CCDC178: variants seen among roughly 807,000 people sequenced by gnomAD.
The protein encoded by CCDC178 is coiled-coil domain-containing protein 178.
A neutral mutation model predicts 117.4 loss-of-function variants in CCDC178; 126 were observed. The ratio of observed to expected loss-of-function variants is 1.07; its 90% CI spans 0.93 to 1.24. CCDC178 has a LOEUF of 1.24. CCDC178 is among the 50% of genes most tolerant of loss of function. The pLI, the probability that CCDC178 is intolerant of heterozygous loss-of-function variation, is 0.00. For missense variants in CCDC178, 1,030 were observed against 986.9 expected (o/e 1.04, Z -0.59); for synonymous variants, 283 against 313.4 (o/e 0.90, Z 1.02).
intron 21 of CCDC178, among the ~76,000 whole-genome samples, chr18:33,072,024 C>T (rs969810846): frequency 1.3e-5 from 2 of 152,008 alleles, no homozygotes; most frequent in African/African-American, 4.8e-5. Context: ...CTATACTCCA[C>T]AGGAAATTCT....
intron 20 of CCDC178, among the ~76,000 whole-genome samples, chr18:33,199,662 T>C (rs1451183465): frequency 6.6e-6 from 1 of 152,204 alleles, no homozygotes; most frequent in African/African-American, 2.4e-5. Flanking sequence ...GCCGCTATTC[T>C]TACTCCCTTT....
At chr18:32,968,892 T>C (rs2054871198) in intron 22 of CCDC178, among the ~76,000 whole-genome samples, 1 of 152,062 alleles carries the variant, frequency 6.6e-6, no homozygotes, top group African/African-American at 2.4e-5. Context: ...TTCCTGACTT[T>C]CCTTCATTTA....
intron 20 of CCDC178, among the ~76,000 whole-genome samples, chr18:33,125,125 C>T (rs2057988039): frequency 6.6e-6 from 1 of 152,112 alleles, no homozygotes; most frequent in Non-Finnish European, 1.5e-5. Flanking sequence ...CACTCTCAGG[C>T]TGGCAGGCTT....
chr18:33,108,512 T>A (rs1244751720), intron 20 of CCDC178, among the ~76,000 whole-genome samples: 1 of 151,598 alleles, frequency 6.6e-6, no homozygotes. Context: ...TATGCTAAGA[T>A]TTCCTAACTA....
chr18:32,975,048 T>C (rs986788390), intron 21 of CCDC178, among the ~76,000 whole-genome samples: 3 of 152,174 alleles, frequency 2.0e-5, no homozygotes, highest in African/African-American at 7.2e-5. Context: ...AAAAATCATC[T>C]TTTGAAGCCG....
At chr18:32,980,842 T>C (rs888945962) in intron 21 of CCDC178, among the ~76,000 whole-genome samples, 62 of 152,162 alleles carry the variant, frequency 4.1e-4, no homozygotes, top group Middle Eastern at 6.3e-3. Context: ...CTGTTCAAAT[T>C]TGTGTATAAT....
rs561073671 is a variant in CCDC178, at chr18:33,161,593, C to G, written c.2238+50303G>C. On this transcript the variant is annotated intron_variant, in intron 20 of 22. Coordinates refer to ENST00000383096, the MANE Select transcript of CCDC178 (RefSeq NM_001105528.4). Reference sequence around the variant, plus strand: ...CTATGGGCAAGGGTTGGCAGGAATCCTCTCTCGATCTTATTTAAAGAGCAG... The same window carrying G: ...CTATGGGCAAGGGTTGGCAGGAATCGTCTCTCGATCTTATTTAAAGAGCAG... 2.6e-5 allele frequency among the ~76,000 whole-genome samples: 4 copies of G among 152,278 alleles called. No individual in the cohort carries two copies. In the East Asian group the frequency reaches 7.7e-4, roughly 29 times the overall value.
intron 18 of CCDC178, among the ~76,000 whole-genome samples, chr18:33,221,967 A>G (rs1235939147): frequency 1.3e-5 from 2 of 152,100 alleles, no homozygotes; most frequent in Non-Finnish European, 2.9e-5. Flanking sequence ...GTATAGTCAA[A>G]TTATATGATA....
chr18:33,087,047 C>T (rs1438169573), intron 21 of CCDC178, among the ~76,000 whole-genome samples: 1 of 151,800 alleles, frequency 6.6e-6, no homozygotes, highest in Non-Finnish European at 1.5e-5. Flanking sequence ...CACACACACA[C>T]ACACACACAC....
chr18:33,270,961 CAAAT>C (rs1325373081), intron 12 of CCDC178, among the ~76,000 whole-genome samples: 6 of 150,940 alleles, frequency 4.0e-5, no homozygotes, highest in South Asian at 4.2e-4. Context: ...AATAGCAAGA[CAAAT>C]AAATAAAGGA....
intron 22 of CCDC178, among the ~76,000 whole-genome samples, chr18:32,966,888 A>T (rs1032600524): frequency 2.6e-5 from 4 of 151,760 alleles, no homozygotes; most frequent in Non-Finnish European, 5.9e-5. Flanking sequence ...ATTGAGCTAA[A>T]TTTTTGTTAA....
intron 21 of CCDC178, among the ~76,000 whole-genome samples, chr18:33,049,114 G>C (rs1313041660): frequency 6.6e-6 from 1 of 152,014 alleles, no homozygotes; most frequent in African/African-American, 2.4e-5. Context: ...AAAGGTAGCA[G>C]AATAACTACA....
intron 7 of CCDC178, among the ~76,000 whole-genome samples, chr18:33,350,258 C>A (rs2062956757): frequency 6.6e-6 from 1 of 151,840 alleles, no homozygotes; most frequent in Non-Finnish European, 1.5e-5. Flanking sequence ...CAGTAAAATT[C>A]TATGCTAATT....
chr18:33,166,912 C>T (rs186082819), intron 20 of CCDC178, among the ~76,000 whole-genome samples: 168 of 152,188 alleles, frequency 1.1e-3, no homozygotes, highest in Non-Finnish European at 2.1e-3. Context: ...GGTAATTTTT[C>T]GATCCTCACC....
intron 20 of CCDC178, among the ~76,000 whole-genome samples, chr18:33,201,092 G>GT (rs1465834158): frequency 6.6e-6 from 1 of 152,156 alleles, no homozygotes; most frequent in African/African-American, 2.4e-5. Flanking sequence ...GACAGACCCT[G>GT]GAAGGCTCAC....
chr18:32,961,104 G>C (rs925347846), intron 22 of CCDC178, among the ~76,000 whole-genome samples: 2 of 152,002 alleles, frequency 1.3e-5, no homozygotes, highest in Admixed American at 1.3e-4. Flanking sequence ...ATGTCAATTA[G>C]GGCAAGTTGG....
intron 20 of CCDC178, among the ~76,000 whole-genome samples, chr18:33,164,103 C>CTTTT (rs34932085): frequency 3.6e-5 from 4 of 111,336 alleles, no homozygotes; most frequent in Admixed American, 1.0e-4. Context: ...CGCTTACATT[C>CTTTT]TTTTTTTTTT....
chr18:33,169,458 G>C (rs778641491), intron 20 of CCDC178, among the ~76,000 whole-genome samples: 2 of 152,080 alleles, frequency 1.3e-5, no homozygotes, highest in Non-Finnish European at 2.9e-5. Context: ...GGAGGCAAAG[G>C]CTCAAGTTTC....
At chr18:32,976,031 C>T (rs554752008) in intron 21 of CCDC178, among the ~76,000 whole-genome samples, 1 of 151,914 alleles carries the variant, frequency 6.6e-6, no homozygotes, top group African/African-American at 2.4e-5. Context: ...GTTTGGTTCC[C>T]AGGAAAATAA....
Sources: gnomAD v4.1 joint callset for allele counts (sites outside exome capture counted in the v4.1 genomes callset) on GRCh38, gnomAD v4.1.1 for gene constraint, MANE v1.5 for transcripts, NCBI Gene and HGNC (gene_info 2026-07-23, HGNC 2026-07-21) for gene names.